Variants in F13A1 observed in about 807,000 individuals in gnomAD.
F13A1 encodes FSF, A subunit.
F13A1 carries 47 observed loss-of-function variants against 80.1 expected under a neutral mutation model. That is an observed-to-expected ratio of 0.59 (90% CI 0.46 to 0.75). The LOEUF (loss-of-function observed/expected upper bound fraction) is 0.75, where lower values mean the gene tolerates loss of function less well. F13A1 is among the 30% of genes least tolerant of loss of function. The pLI is 0.00. For missense variants in F13A1, 817 were observed against 930.4 expected, an observed-to-expected ratio of 0.88 and a Z score of 1.59; for synonymous variants, 349 against 344.9, an observed-to-expected ratio of 1.01 and a Z score of -0.13.
At chr6:6,275,065 T>C (rs941361423) in intron 3 of F13A1, among the ~76,000 whole-genome samples, 1 of 152,040 alleles carries the variant, frequency 6.6e-6, no homozygotes, top group African/African-American at 2.4e-5. Flanking sequence ...TCTGGTGAGA[T>C]TACATTTTAG....
chr6:6,280,160 T>C (rs1392551456), intron 3 of F13A1, among the ~76,000 whole-genome samples: 1 of 152,204 alleles, frequency 6.6e-6, no homozygotes, highest in African/African-American at 2.4e-5. Context: ...AATAAACATT[T>C]ATTTAAACAG....
chr6:6,293,782 AGAGGGAGGGAGGGAGGGAGGGAGGGAGG>A (rs575581821), intron 3 of F13A1, among the ~76,000 whole-genome samples: 2 of 66,900 alleles, frequency 3.0e-5, no homozygotes, highest in Non-Finnish European at 5.2e-5. Flanking sequence ...AGTGAGAGAG[AGAGGGAGGGAGGGAGGGAGGGAGGGAGG>A]GAGGGAGGGA....
chr6:6,276,223 A>G (rs974975666), intron 3 of F13A1, among the ~76,000 whole-genome samples: 4 of 152,198 alleles, frequency 2.6e-5, no homozygotes, highest in African/African-American at 9.6e-5. Flanking sequence ...ACTTCGAGGT[A>G]GGTTCGGCCA....
chr6:6,280,629 C>G (rs2113142272), intron 3 of F13A1, among the ~76,000 whole-genome samples: 1 of 152,276 alleles, frequency 6.6e-6, no homozygotes, highest in East Asian at 1.9e-4. Flanking sequence ...GTAGCTGAAA[C>G]ACAGGGATGT....
intron 14 of F13A1, among the ~76,000 whole-genome samples, chr6:6,148,601 A>G (rs537226612): frequency 3.2e-4 from 49 of 152,344 alleles, no homozygotes; most frequent in Non-Finnish European, 6.3e-4. Context: ...TCTTGGCAAC[A>G]TAGGGCACAG....
chr6:6,193,796 T>A (rs1157480960), intron 10 of F13A1, among the ~76,000 whole-genome samples: 1 of 152,154 alleles, frequency 6.6e-6, no homozygotes. Flanking sequence ...GATTTCAGAG[T>A]GATCTCCTCA....
chr6:6,312,047 A>G (rs1758610304), intron 2 of F13A1, among the ~76,000 whole-genome samples: 1 of 148,760 alleles, frequency 6.7e-6, no homozygotes, highest in Admixed American at 6.8e-5. Flanking sequence ...ATATAAAGTT[A>G]CATATATATA....
intron 3 of F13A1, among the ~76,000 whole-genome samples, chr6:6,268,445 C>G (rs933831430): frequency 6.6e-6 from 1 of 152,144 alleles, no homozygotes; most frequent in Admixed American, 6.5e-5. Context: ...TGAGAGTCGG[C>G]CTGTTCTAAG....
intron 4 of F13A1, among the ~76,000 whole-genome samples, chr6:6,264,920 G>T (rs1757823239): frequency 6.6e-6 from 1 of 152,164 alleles, no homozygotes; most frequent in Non-Finnish European, 1.5e-5. Context: ...TGTATAGGGA[G>T]TGTAGGAATA....
intron 8 of F13A1, among the ~76,000 whole-genome samples, chr6:6,214,060 A>G (rs1761673940): frequency 7.6e-6 from 1 of 130,928 alleles, no homozygotes; most frequent in Admixed American, 7.6e-5. Flanking sequence ...AGAGACTTAG[A>G]CTCCCACACA....
At chr6:6,312,662 A>C (rs1193242104) in intron 2 of F13A1, among the ~76,000 whole-genome samples, 1 of 127,308 alleles carries the variant, frequency 7.9e-6, no homozygotes, top group Non-Finnish European at 1.7e-5. Flanking sequence ...TGGGTGACAG[A>C]GCAAGACTCC....
chr6:6,266,875 T>C, intron 3 of F13A1, 66 bp from the exon 4 acceptor site: 1 of 1,604,828 alleles, frequency 6.2e-7, no homozygotes, highest in Non-Finnish European at 8.5e-7. Context: ...TCTCACTCTG[T>C]TATCTTATAG....
chr6:6,223,099 C>G (rs1757222762), intron 7 of F13A1, among the ~76,000 whole-genome samples: 1 of 152,180 alleles, frequency 6.6e-6, no homozygotes, highest in South Asian at 2.1e-4. Context: ...ACGACTTGGT[C>G]AAGACTCTGC....
intron 10 of F13A1, among the ~76,000 whole-genome samples, chr6:6,190,393 T>G (rs1761164610): frequency 6.6e-6 from 1 of 151,898 alleles, no homozygotes. Context: ...GATGTACAGA[T>G]GGGTTTTTGG....
intron 10 of F13A1, among the ~76,000 whole-genome samples, chr6:6,190,389 C>A (rs929315522): frequency 2.2e-4 from 34 of 151,946 alleles, no homozygotes; most frequent in Non-Finnish European, 2.9e-4. Context: ...TGGTGATGTA[C>A]AGATGGGTTT....
At chr6:6,279,158 G>T (rs895138217) in intron 3 of F13A1, among the ~76,000 whole-genome samples, 2 of 152,134 alleles carry the variant, frequency 1.3e-5, no homozygotes, top group African/African-American at 4.8e-5. Context: ...ACTTGCTCAG[G>T]GGACATGGTA....
intron 8 of F13A1, among the ~76,000 whole-genome samples, chr6:6,211,201 TAAATC>T (rs893024379): frequency 9.2e-5 from 14 of 152,232 alleles, no homozygotes; most frequent in African/African-American, 2.2e-4. Flanking sequence ...TGTCAGCACT[TAAATC>T]AGGGCATTGC....
In F13A1 at chr6:6,144,376, T is replaced by C. The variant is rs1760239404; in HGVS notation, c.*1243A>G. On this transcript the variant is annotated 3_prime_UTR_variant, in exon 15 of 15. Transcript: ENST00000264870. Reference sequence around the variant, plus strand: ...TCTGATTTTGCCCCCAGTATACTTATCACTGTTCATTTTTTGCTAAGAATC... The same window carrying C: ...TCTGATTTTGCCCCCAGTATACTTACCACTGTTCATTTTTTGCTAAGAATC... The C allele has an allele frequency of 6.6e-6, 1 of 152,232 alleles. No individual in the cohort carries two copies. The highest frequency in any genetic ancestry group is 1.5e-5 in the Non-Finnish European group (1 of 68,044). The allele number at this position is 152,232 out of a possible 1,614,324, so 9.4% of individuals were successfully genotyped here.
intron 6 of F13A1, among the ~76,000 whole-genome samples, chr6:6,225,582 A>C (rs1757265786): frequency 6.6e-6 from 1 of 151,832 alleles, no homozygotes; most frequent in Non-Finnish European, 1.5e-5. Context: ...ATCATGGTTC[A>C]CTGTAGCCTC....
Sources: allele counts gnomAD v4.1 joint callset (sites outside exome capture counted in the v4.1 genomes callset), GRCh38; gene constraint gnomAD v4.1.1; transcripts MANE v1.5; gene names NCBI Gene and HGNC (gene_info 2026-07-23, HGNC 2026-07-21).